Variants in CPED1 observed in about 807,000 individuals in gnomAD.
CPED1 encodes cadherin like and PC-esterase domain containing 1.
Under a neutral mutation model 128.2 loss-of-function variants are expected in CPED1, and 114 were observed. The ratio of observed to expected loss-of-function variants is 0.89; its 90% CI spans 0.76 to 1.04. The LOEUF is 1.04. Among genes scored for constraint, CPED1 ranks in the 50% least tolerant of loss-of-function variants. The probability of loss-of-function intolerance (pLI) is 0.00; values close to 1 mark genes in which losing one functional copy is unlikely to be tolerated. For missense variants in CPED1, 1,211 were observed against 1,207.1 expected, an observed-to-expected ratio of 1.00 and a Z score of -0.05; for synonymous variants, 462 against 426.7, an observed-to-expected ratio of 1.08 and a Z score of -1.02.
At chr7:121,216,647 CAG>C (rs2116609867) in intron 16 of CPED1, among the ~76,000 whole-genome samples, 1 of 152,102 alleles carries the variant, frequency 6.6e-6, no homozygotes, top group East Asian at 2.0e-4. Flanking sequence ...CCACCCAGTT[CAG>C]AGTCTTAAGA....
chr7:121,002,750 C>T (rs1258964568), intron 2 of CPED1, among the ~76,000 whole-genome samples: 5 of 152,036 alleles, frequency 3.3e-5, no homozygotes, highest in East Asian at 1.9e-4. Flanking sequence ...ACTGTATTTG[C>T]GGAAATATAT....
At chr7:121,078,061 G>T (rs1777316495) in intron 5 of CPED1, among the ~76,000 whole-genome samples, 1 of 149,888 alleles carries the variant, frequency 6.7e-6, no homozygotes, top group Non-Finnish European at 1.5e-5. Flanking sequence ...TTTTGTTTTT[G>T]TTTTTGAGAT....
rs987380953 is a variant in CPED1, at chr7:120,992,145, A to G, written c.249+2275A>G. Reference sequence around the variant, plus strand: ...GGGATCAATATATTGATCATTTTCTAAAGTAACTACTTGTGAAGTTCATTT... The same window carrying G: ...GGGATCAATATATTGATCATTTTCTGAAGTAACTACTTGTGAAGTTCATTT... On this transcript the variant is annotated intron_variant, in intron 2 of 22. Coordinates refer to ENST00000310396, the MANE Select transcript of CPED1 (RefSeq NM_024913.5). 3.9e-5 allele frequency among the ~76,000 whole-genome samples: 6 copies of G among 152,292 alleles called. No homozygotes were observed. In the East Asian group the frequency reaches 7.7e-4, roughly 20 times the overall value.
intron 18 of CPED1, among the ~76,000 whole-genome samples, chr7:121,253,422 C>T (rs2116713974): frequency 6.6e-6 from 1 of 151,938 alleles, no homozygotes; most frequent in South Asian, 2.1e-4. Flanking sequence ...TGTAACAAAC[C>T]TGCATGGTGT....
chr7:121,152,373 C>T (rs765599938), intron 16 of CPED1, among the ~76,000 whole-genome samples: 5 of 152,114 alleles, frequency 3.3e-5, no homozygotes, highest in African/African-American at 4.8e-5. Context: ...AGTTAAGAGA[C>T]CCAGCTTTCA....
At chr7:121,250,183 A>C (rs1261233095) in intron 18 of CPED1, among the ~76,000 whole-genome samples, 1 of 152,236 alleles carries the variant, frequency 6.6e-6, no homozygotes, top group Non-Finnish European at 1.5e-5. Flanking sequence ...AAAACTGCTC[A>C]ACTACATGGA....
At chr7:121,102,452 A>C (rs1417280671) in intron 7 of CPED1, among the ~76,000 whole-genome samples, 1 of 152,114 alleles carries the variant, frequency 6.6e-6, no homozygotes, top group South Asian at 2.1e-4. Context: ...ACTTTTGGTC[A>C]CTTCCCTTTG....
At chr7:121,032,780 CT>C (rs1188071167) in intron 3 of CPED1, among the ~76,000 whole-genome samples, 1 of 152,020 alleles carries the variant, frequency 6.6e-6, no homozygotes, top group Non-Finnish European at 1.5e-5. Context: ...TTTAATAGTA[CT>C]TGGCATAGTT....
chr7:121,015,713 A>G lies in CPED1; in HGVS notation c.298A>G (p.Ile100Val), dbSNP rs1209829099. The stretch of plus-strand genomic sequence containing the variant: ...CTTTGGCAGCCATGGCCGAAGGGCC[A>G]TACTCTACAGGCCTCCTTTCTACAG... ...THFGSHGRRAILYRPPFYSKT... is the reference protein window; with the variant it reads ...THFGSHGRRAVLYRPPFYSKT... Residue 100 changes from isoleucine to valine, a missense_variant, in exon 3 of 23, where the codon ATA becomes GTA. Physicochemically the swap from Ile to Val is conservative, Grantham distance 29. Transcript: ENST00000310396. 6.2e-7 allele frequency: 1 copy of G among 1,608,764 alleles called. No homozygotes were observed. Among genetic ancestry groups the G allele is most frequent in the Non-Finnish European group, 8.5e-7 (1 of 1,178,458 alleles).
intron 14 of CPED1, among the ~76,000 whole-genome samples, chr7:121,136,980 A>G (rs1795799351): frequency 6.6e-6 from 1 of 151,998 alleles, no homozygotes; most frequent in Non-Finnish European, 1.5e-5. Context: ...AGTTCTATAT[A>G]GCAAGATTTT....
chr7:121,281,697 T>A (rs1438790819), intron 22 of CPED1, among the ~76,000 whole-genome samples: 2 of 152,314 alleles, frequency 1.3e-5, no homozygotes, highest in East Asian at 3.9e-4. Context: ...AGCTCCAAAA[T>A]TGTTTTCCTA....
intron 22 of CPED1, among the ~76,000 whole-genome samples, chr7:121,284,729 AAG>A (rs1163492210): frequency 1.3e-5 from 2 of 152,212 alleles, no homozygotes; most frequent in Non-Finnish European, 2.9e-5. Context: ...ATGCTGATGC[AAG>A]AGGTGGTCTC....
intron 22 of CPED1, among the ~76,000 whole-genome samples, chr7:121,278,635 C>G (rs533697168): frequency 9.0e-4 from 137 of 152,264 alleles, no homozygotes; most frequent in African/African-American, 3.1e-3. Context: ...ATTCTATCCT[C>G]TGCTACTAGC....
At chr7:121,069,724 C>G (rs1793941497) in intron 5 of CPED1, among the ~76,000 whole-genome samples, 2 of 152,050 alleles carry the variant, frequency 1.3e-5, no homozygotes, top group Non-Finnish European at 2.9e-5. Flanking sequence ...AAATTTGTTG[C>G]TAATGTTTTT....
chr7:121,036,558 G>A (rs1792899087), intron 3 of CPED1, among the ~76,000 whole-genome samples: 1 of 149,612 alleles, frequency 6.7e-6, no homozygotes, highest in Admixed American at 6.7e-5. Flanking sequence ...ATTTGGGGCT[G>A]GTTCTACATT....
At chr7:121,035,532 A>G (rs920020119) in intron 3 of CPED1, among the ~76,000 whole-genome samples, 3 of 151,932 alleles carry the variant, frequency 2.0e-5, no homozygotes, top group Non-Finnish European at 4.4e-5. Context: ...TATAGCTTTG[A>G]TGATTAAAAG....
At chr7:121,135,022 G>T (rs777326846) in intron 13 of CPED1, among the ~76,000 whole-genome samples, 31 of 151,988 alleles carry the variant, frequency 2.0e-4, no homozygotes, top group Non-Finnish European at 4.0e-4. Flanking sequence ...CAAATAAAAT[G>T]TTATAAATCC....
chr7:121,045,917 T>C (rs1234258730), intron 3 of CPED1, among the ~76,000 whole-genome samples: 1 of 152,140 alleles, frequency 6.6e-6, no homozygotes, highest in East Asian at 1.9e-4. Flanking sequence ...TTTATTGTTG[T>C]TTTTTCTCCA....
intron 2 of CPED1, among the ~76,000 whole-genome samples, chr7:121,000,143 G>A (rs1585009496): frequency 6.6e-6 from 1 of 152,106 alleles, no homozygotes; most frequent in African/African-American, 2.4e-5. Flanking sequence ...TGAAAGGAAT[G>A]TTTTGGTTTC....
Sources: allele counts gnomAD v4.1 joint callset (sites outside exome capture counted in the v4.1 genomes callset), GRCh38; gene constraint gnomAD v4.1.1; transcripts MANE v1.5; gene names NCBI Gene and HGNC (gene_info 2026-07-23, HGNC 2026-07-21).